Variants in NCOA2 observed in about 807,000 individuals in gnomAD.
The protein encoded by NCOA2 is class E basic helix-loop-helix protein 75.
NCOA2 carries 21 observed loss-of-function variants against 145.1 expected under a neutral mutation model. The observed-to-expected ratio is 0.14, with a 90% confidence interval of 0.10 to 0.21. The LOEUF (loss-of-function observed/expected upper bound fraction) is 0.21. Ranked by LOEUF, NCOA2 falls within the 10% of genes least tolerant of loss-of-function variation. The pLI is 1.00. For missense variants in NCOA2, 1,472 were observed against 1,837.6 expected (o/e 0.80, Z 3.64); for synonymous variants, 619 against 637.5 (o/e 0.97, Z 0.44).
At chr8:70,283,646 T>A (rs1826040377) in intron 2 of NCOA2, among the ~76,000 whole-genome samples, 1 of 152,256 alleles carries the variant, frequency 6.6e-6, no homozygotes, top group African/African-American at 2.4e-5. Flanking sequence ...TTATGTTGTC[T>A]ACCTACCATT....
At chr8:70,440,511 T>G in the NCOA2 span, among the ~76,000 whole-genome samples, 2 of 151,258 alleles carry the variant, frequency 1.3e-5, no homozygotes, top group East Asian at 3.9e-4. Context: ...GAGGCAGAGG[T>G]GGCAGTGGGC....
At chr8:70,159,243 T>TATATATATATATGTATATA (rs869045939) in intron 10 of NCOA2, among the ~76,000 whole-genome samples, 5 of 82,070 alleles carry the variant, frequency 6.1e-5, no homozygotes, top group East Asian at 7.9e-4. Flanking sequence ...TATATATATA[T>TATATATATATATGTATATA]TTTTTTTTTT....
chr8:70,228,656 G>A (rs1362178535), intron 2 of NCOA2, among the ~76,000 whole-genome samples: 4 of 152,104 alleles, frequency 2.6e-5, no homozygotes, highest in African/African-American at 9.7e-5. Context: ...TCCACTGAGA[G>A]AATAAAGAAC....
chr8:70,360,562 A>G (rs1199183234), intron 1 of NCOA2, among the ~76,000 whole-genome samples: 1 of 152,164 alleles, frequency 6.6e-6, no homozygotes, highest in African/African-American at 2.4e-5. Context: ...TTCTTGCAAT[A>G]CACCTGTTTA....
At chr8:70,165,393 A>C (rs1813494398) in intron 7 of NCOA2, among the ~76,000 whole-genome samples, 1 of 152,228 alleles carries the variant, frequency 6.6e-6, no homozygotes. Flanking sequence ...CTTGATAATA[A>C]ACTGTTGCTC....
At chr8:70,123,709 A>C (rs1808083617) in intron 21 of NCOA2, 175 bp downstream of exon 21, 1 of 458,500 alleles carries the variant, frequency 2.2e-6, no homozygotes, top group Non-Finnish European at 3.8e-6. Context: ...TTATTTAATC[A>C]TTAACAAAGA....
intron 1 of NCOA2, among the ~76,000 whole-genome samples, chr8:70,390,733 AC>A (rs1276649738): frequency 6.6e-6 from 1 of 152,134 alleles, no homozygotes; most frequent in Non-Finnish European, 1.5e-5. Flanking sequence ...GTGCCACTGT[AC>A]CCCAGCCTGG....
chr8:70,329,900 A>C (rs1021629975), intron 1 of NCOA2, among the ~76,000 whole-genome samples: 2 of 152,196 alleles, frequency 1.3e-5, no homozygotes, highest in African/African-American at 4.8e-5. Flanking sequence ...TCTATCTTAT[A>C]GGGACCAAGG....
Position 70,163,455 on chromosome 8 carries a change from G to T in NCOA2, c.832+10C>A. ...TGATTCCTTTGGTCTTCTTTGGAGA[G>T]GAAATTTACCTTGGAGATCCTGGCG... On this transcript the variant is annotated intron_variant, in intron 8 of 22. Transcript: ENST00000452400. 1 of 1,599,058 alleles carries T rather than the reference G, an allele frequency of 6.3e-7. No homozygotes were observed. The highest frequency in any genetic ancestry group is 8.6e-7 in the Non-Finnish European group (1 of 1,166,712).
At chr8:70,214,185 A>G (rs1819345789) in intron 3 of NCOA2, 110 bp from the exon 4 acceptor site, 1 of 1,013,882 alleles carries the variant, frequency 9.9e-7, no homozygotes, top group African/African-American at 1.6e-5. Context: ...AGCTACCTAT[A>G]TAAACACAGA....
chr8:70,276,699 C>T (rs1052465148), intron 2 of NCOA2, among the ~76,000 whole-genome samples: 5 of 152,156 alleles, frequency 3.3e-5, no homozygotes, highest in African/African-American at 1.2e-4. Context: ...TTTCCTGAGG[C>T]CTTCCTAACC....
At chr8:70,160,682 G>GAGAGAGAGAGAGAGAGGGA (rs371258460) in intron 9 of NCOA2, among the ~76,000 whole-genome samples, 11 of 58,300 alleles carry the variant, frequency 1.9e-4, no homozygotes, top group East Asian at 3.6e-4. Flanking sequence ...AGAGAGAGAG[G>GAGAGAGAGAGAGAGAGGGA]GAGAGAGAGA....
At chr8:70,267,400 T>C (rs866193922) in intron 2 of NCOA2, among the ~76,000 whole-genome samples, 1 of 149,208 alleles carries the variant, frequency 6.7e-6, no homozygotes, top group African/African-American at 2.5e-5. Context: ...CTGTTTTTTT[T>C]TTTTTTTTTT....
At chr8:70,260,066 C>T (rs899468534) in intron 2 of NCOA2, among the ~76,000 whole-genome samples, 1 of 152,216 alleles carries the variant, frequency 6.6e-6, no homozygotes, top group Non-Finnish European at 1.5e-5. Context: ...AAGTTACAAC[C>T]ATAACCCTCC....
At chr8:70,319,958 T>C in intron 1 of NCOA2, among the ~76,000 whole-genome samples, 1 of 152,192 alleles carries the variant, frequency 6.6e-6, no homozygotes, top group Non-Finnish European at 1.5e-5. Context: ...GTCCGATTTG[T>C]CAAAAAATAT....
chr8:70,160,682 G>GAGAGA (rs371258460), intron 9 of NCOA2, among the ~76,000 whole-genome samples: 1,311 of 58,326 alleles, frequency 0.022, 38 homozygotes, highest in African/African-American at 0.051. Context: ...AGAGAGAGAG[G>GAGAGA]GAGAGAGAGA....
chr8:70,117,950 A>C (rs1807332428), intron 22 of NCOA2, among the ~76,000 whole-genome samples: 1 of 152,142 alleles, frequency 6.6e-6, no homozygotes, highest in South Asian at 2.1e-4. Context: ...CTCTTCTTGG[A>C]GGTTACATGG....
chr8:70,218,199 G>GTTTTT (rs34322124), intron 2 of NCOA2, among the ~76,000 whole-genome samples: 2,487 of 133,786 alleles, frequency 0.019, 92 homozygotes, highest in African/African-American at 0.067. Flanking sequence ...AGTGGAGTTA[G>GTTTTT]TTTTTTTTTT....
intron 2 of NCOA2, among the ~76,000 whole-genome samples, chr8:70,275,686 A>G (rs1586337142): frequency 6.6e-6 from 1 of 152,248 alleles, no homozygotes; most frequent in African/African-American, 2.4e-5. Flanking sequence ...TCACAAAGAC[A>G]TAAAAGCAAA....
Sources: gnomAD v4.1 joint callset for allele counts (sites outside exome capture counted in the v4.1 genomes callset) on GRCh38, gnomAD v4.1.1 for gene constraint, MANE v1.5 for transcripts, NCBI Gene and HGNC (gene_info 2026-07-23, HGNC 2026-07-21) for gene names.